SPATA32: variants seen among roughly 807,000 people sequenced by gnomAD.
SPATA32 encodes the protein spermatogenesis associated 32, also known as spermatogenesis-associated protein 32.
In SPATA32, 28 loss-of-function variants were observed where a neutral mutation model predicts 35.4. That is an observed-to-expected ratio of 0.79 (90% confidence interval 0.59 to 1.09). The LOEUF (loss-of-function observed/expected upper bound fraction) is 1.09, where lower values mean the gene tolerates loss of function less well. SPATA32 is among the 50% of genes least tolerant of loss of function. The pLI is 0.00. For synonymous variants in SPATA32, 168 were observed against 196.3 expected, an observed-to-expected ratio of 0.86 and a Z score of 1.20; for missense variants, 409 against 475.9, an observed-to-expected ratio of 0.86 and a Z score of 1.31.
At chr17:45,257,492 C>A (rs964210346) in intron 1 of SPATA32, among the ~76,000 whole-genome samples, 2 of 152,048 alleles carry the variant, frequency 1.3e-5, no homozygotes, top group African/African-American at 4.8e-5. Flanking sequence ...CATGACAGAG[C>A]GCTTCCATAG....
At chr17:45,261,958 C>T (rs756385633) in intron 1 of SPATA32, 46 bp downstream of exon 1, 2 of 1,309,266 alleles carry the variant, frequency 1.5e-6, no homozygotes, top group South Asian at 3.1e-5. Context: ...CTTTCGCTTT[C>T]CCCGCCTGCC....
rs1228333260 is a variant in SPATA32, at chr17:45,255,882, TTCAAAG to T, written c.294_299del (p.Asp98_Phe99del). 1 of 1,614,090 alleles carries T rather than the reference TTCAAAG, an allele frequency of 6.2e-7. No homozygotes were observed. The highest frequency in any genetic ancestry group is 1.3e-5 in the African/African-American group (1 of 74,936). Reference sequence around the variant, plus strand: ...TCTTGCATACCAGCTGCATGGGTTCTTCAAAGTCAGACTCCTCGTTCGAGTTGGCTT... The same window carrying T: ...TCTTGCATACCAGCTGCATGGGTTCTTCAGACTCCTCGTTCGAGTTGGCTT... On this transcript the variant is annotated inframe_deletion, in exon 4 of 5. Transcript: ENST00000331780. The surrounding 1 kb of genome is among the most constrained non-coding windows in gnomAD (Gnocchi z 5.4).
intron 1 of SPATA32, among the ~76,000 whole-genome samples, chr17:45,257,793 C>T (rs770343583): frequency 9.2e-5 from 14 of 152,220 alleles, no homozygotes; most frequent in Admixed American, 3.9e-4. Context: ...AAGGCCTGCA[C>T]CCCAGGTGTG....
rs143109189 is a variant in SPATA32, at chr17:45,255,952, A to G, written c.230T>C (p.Leu77Pro). 88 of 1,613,908 alleles carry G rather than the reference A, an allele frequency of 5.5e-5. No individual in the cohort carries two copies. The African/African-American group carries it at 1.1e-3, about 20-fold the overall frequency. Residue 77 changes from leucine (L) to proline (P), a missense_variant, in exon 4 of 5, where the codon CTA (leucine) becomes CCA (proline). Transcript: ENST00000331780. The surrounding 1 kb of genome is among the most constrained non-coding windows in gnomAD (Gnocchi z 5.4). ...GQVPALLESE[L>P]YPALKLEAEL... ...AGCTTCAAGCTTGAGGGCTGGGTATAGCTCTGACTCCAGTAAAGCCGGCAC... is the reference window on the plus strand; with the variant it reads ...AGCTTCAAGCTTGAGGGCTGGGTATGGCTCTGACTCCAGTAAAGCCGGCAC...
chr17:45,258,395 TC>T (rs977270524), intron 1 of SPATA32, among the ~76,000 whole-genome samples: 1 of 152,126 alleles, frequency 6.6e-6, no homozygotes, highest in African/African-American at 2.4e-5. Flanking sequence ...GCTTCTGACC[TC>T]AGGGCCTTTG....
At chr17:45,261,969 C>T (rs771737779) in intron 1 of SPATA32, 35 bp downstream of exon 1, 2 of 1,312,054 alleles carry the variant, frequency 1.5e-6, no homozygotes, top group East Asian at 5.6e-5. Context: ...CCCGCCTGCC[C>T]CAACCCTCGC....
rs748669587 is a variant in SPATA32 at position 45,255,088 on chromosome 17, G to A, written c.1067+27C>T. On this transcript the variant is annotated intron_variant, in intron 4 of 4. Coordinates refer to ENST00000331780, the MANE Select transcript of SPATA32 (RefSeq NM_152343.3). The surrounding 1 kb of genome is among the most constrained non-coding windows in gnomAD (Gnocchi z 5.4). ...CCACGTTCTAGCACAGCCCCTCTATGGGAGCTGCGGGGCTGGCCTCACTCA... is the reference window on the plus strand; with the variant it reads ...CCACGTTCTAGCACAGCCCCTCTATAGGAGCTGCGGGGCTGGCCTCACTCA... The A allele has an allele frequency of 2.5e-6, 4 of 1,602,972 alleles. No individual in the cohort carries two copies. The East Asian group carries it at 6.7e-5, about 27-fold the overall frequency.
chr17:45,254,829 C>T (rs866866451), intron 4 of SPATA32, among the ~76,000 whole-genome samples: 19 of 152,336 alleles, frequency 1.2e-4, no homozygotes, highest in South Asian at 2.1e-4. Context: ...GGTGGAAAGC[C>T]GCCTAATGCC....
Position 45,255,601 on chromosome 17 carries a change from T to A in SPATA32, c.581A>T (p.Glu194Val). ...GCACAGGGCGTTGGTGGGGATGGCC[T>A]CCCGGAGCGGGGATCTGATGGGCTG... ...AGQPIRSPLR[E>V]AIPTNALCSE... The change falls in exon 4 of 5, where the codon GAG becomes GTG. Residue 194 changes from glutamate (E) to valine (V), a missense_variant. Physicochemically the swap from Glu to Val is moderately radical, Grantham distance 121. Transcript: ENST00000331780. This position sits in a 1 kb window ranked among gnomAD's most constrained non-coding sequence, Gnocchi z 5.4. 6.2e-7 allele frequency: 1 copy of A among 1,613,940 alleles called. No homozygotes were observed. Among genetic ancestry groups the A allele is most frequent in the Non-Finnish European group, 8.5e-7 (1 of 1,180,022 alleles).
intron 1 of SPATA32, among the ~76,000 whole-genome samples, chr17:45,259,536 TG>T (rs1207668400): frequency 6.6e-6 from 1 of 152,196 alleles, no homozygotes; most frequent in Non-Finnish European, 1.5e-5. Flanking sequence ...TAAAATACAT[TG>T]TTTTTTTTGA....
Position 45,254,412 on chromosome 17 carries a change from T to C in SPATA32, c.*14A>G. 1 of 1,613,070 alleles carries C rather than the reference T, an allele frequency of 6.2e-7. No homozygotes were observed. The highest frequency in any genetic ancestry group is 1.7e-5 in the Admixed American group (1 of 60,020). ...CCGACGGCCAGCACTGGAGGCTTTA[T>C]TGGTTCTGTCTAGTCATTTCTCTGG... On this transcript the variant is annotated 3_prime_UTR_variant, in exon 5 of 5. Coordinates refer to ENST00000331780, the MANE Select transcript of SPATA32 (RefSeq NM_152343.3).
At chr17:45,257,232 C>T in intron 1 of SPATA32, 25 bp from the exon 2 acceptor site, 2 of 1,593,696 alleles carry the variant, frequency 1.3e-6, no homozygotes, top group Non-Finnish European at 1.7e-6. Flanking sequence ...GAGGTGAGGG[C>T]AGGGAGCTGC....
Position 45,255,418 on chromosome 17 carries a change from C to T in SPATA32, c.764G>A (p.Arg255Lys). 6.2e-7 allele frequency: 1 copy of T among 1,614,178 alleles called. No homozygotes were observed. The highest frequency in any genetic ancestry group is 8.5e-7 in the Non-Finnish European group (1 of 1,180,030). Residue 255 changes from arginine to lysine, a missense_variant, in exon 4 of 5, where the codon AGG becomes AAG. Arg to Lys is a conservative substitution (Grantham distance 26). Transcript: ENST00000331780. The surrounding 1 kb of genome is among the most constrained non-coding windows in gnomAD (Gnocchi z 5.4). ...GTGTTCCAAACTGGGCAGGTCCATC[C>T]TGCTGGAGGAGGCCATGGCCAGGGA... ...ASSLAMASSS[R>K]MDLPSLEHMM...
chr17:45,258,746 T>C (rs1441684883), intron 1 of SPATA32, among the ~76,000 whole-genome samples: 2 of 152,150 alleles, frequency 1.3e-5, no homozygotes, highest in Admixed American at 6.5e-5. Context: ...GCGATTCTCC[T>C]GACTCAGCCT....
At position 45,257,227 on chromosome 17, in the gene SPATA32, G is replaced by A; in HGVS notation, c.14-20C>T. The A allele has an allele frequency of 6.2e-7, 1 of 1,601,274 alleles. No individual in the cohort carries two copies. Among genetic ancestry groups the A allele is most frequent in the South Asian group, 1.1e-5 (1 of 89,012 alleles). On this transcript the variant is annotated intron_variant, in intron 1 of 4. Transcript: ENST00000331780. Reference sequence around the variant, plus strand: ...GGGCACCTGACAGGGGAAAGGAGGTGAGGGCAGGGAGCTGCAGGGTAGAGG... The same window carrying A: ...GGGCACCTGACAGGGGAAAGGAGGTAAGGGCAGGGAGCTGCAGGGTAGAGG...
At chr17:45,257,060 AGATCCTAGGCTGGGG>A (rs1485096643) in intron 2 of SPATA32, 78 bp downstream of exon 2, 2 of 1,405,960 alleles carry the variant, frequency 1.4e-6, no homozygotes, top group Non-Finnish European at 2.0e-6. Flanking sequence ...GAAGGGAGGG[AGATCCTAGGCTGGGG>A]GATCCTAGGC....
At chr17:45,261,321 G>A (rs1432259969) in intron 1 of SPATA32, among the ~76,000 whole-genome samples, 1 of 152,146 alleles carries the variant, frequency 6.6e-6, no homozygotes, top group Non-Finnish European at 1.5e-5. Context: ...CTGGCCTCAT[G>A]TGATCCTCCC....
Position 45,255,318 on chromosome 17 carries a change from C to T in SPATA32, c.864G>A (p.Glu288=). 3 of 1,614,190 alleles carry T rather than the reference C, an allele frequency of 1.9e-6. No homozygotes were observed. The highest frequency in any genetic ancestry group is 2.5e-6 in the Non-Finnish European group (3 of 1,180,032). ...GCAGGGTCTCTGCGTGATTTTCTGGCTCTCGCTCCTCCACAGTGGTCAGGA... is the reference window on the plus strand; with the variant it reads ...GCAGGGTCTCTGCGTGATTTTCTGGTTCTCGCTCCTCCACAGTGGTCAGGA... ...EPLLTTVEER[E]PENHAETLPE... Residue 288 remains glutamate (E), a synonymous_variant, in exon 4 of 5, where the codon GAG becomes GAA. Coordinates refer to ENST00000331780, the MANE Select transcript of SPATA32 (RefSeq NM_152343.3). This position sits in a 1 kb window ranked among gnomAD's most constrained non-coding sequence, Gnocchi z 5.4.
intron 1 of SPATA32, among the ~76,000 whole-genome samples, chr17:45,261,281 C>T (rs1369399004): frequency 6.6e-6 from 1 of 152,120 alleles, no homozygotes; most frequent in African/African-American, 2.4e-5. Context: ...GACAAAGTCT[C>T]GCTATGTTGC....
Sources: allele counts gnomAD v4.1 joint callset (sites outside exome capture counted in the v4.1 genomes callset), GRCh38; gene constraint gnomAD v4.1.1; non-coding constraint Gnocchi (gnomAD v3.1); transcripts MANE v1.5; gene names NCBI Gene and HGNC (gene_info 2026-07-23, HGNC 2026-07-21).